TMEM30A: variants seen among roughly 807,000 people sequenced by gnomAD.
TMEM30A encodes the protein cell cycle control protein 50A.
In TMEM30A, 24 loss-of-function variants were observed where a neutral mutation model predicts 38.2. That is an observed-to-expected ratio of 0.63 (90% confidence interval 0.46 to 0.88). TMEM30A has a LOEUF of 0.88. Ranked by LOEUF, TMEM30A falls within the 40% of genes least tolerant of loss-of-function variation. The pLI is 0.00. For synonymous variants in TMEM30A, 145 were observed against 161.6 expected, an observed-to-expected ratio of 0.90 and a Z score of 0.78; for missense variants, 370 against 458.6, an observed-to-expected ratio of 0.81 and a Z score of 1.77.
chr6:75,282,497 AT>A (rs1212416029), intron 1 of TMEM30A, among the ~76,000 whole-genome samples: 1 of 152,168 alleles, frequency 6.6e-6, no homozygotes, highest in East Asian at 1.9e-4. Flanking sequence ...AATTATTGCT[AT>A]TTTCATCTTA....
In TMEM30A at chr6:75,275,617, T is replaced by C. The variant is rs539696001; in HGVS notation, c.238-7869A>G. Among the ~76,000 whole-genome samples, 296 of 152,288 alleles carry C rather than the reference T, an allele frequency of 1.9e-3. 1 individual carries two copies. The highest frequency in any genetic ancestry group is 4.8e-3 in the South Asian group (23 of 4,826). On this transcript the variant is annotated intron_variant, in intron 1 of 6. Coordinates refer to ENST00000230461, the MANE Select transcript of TMEM30A (RefSeq NM_018247.4). Reference sequence around the variant, plus strand: ...TTTTCTCTTACACCCCATATATCAATTGCATGAGAAAATTCTTTTAGCTCT... The same window carrying C: ...TTTTCTCTTACACCCCATATATCAACTGCATGAGAAAATTCTTTTAGCTCT...
chr6:75,258,863 C>A lies in TMEM30A; in HGVS notation c.809G>T (p.Arg270Leu). The change falls in exon 6 of 7, where the codon CGC becomes CTC. Residue 270 changes from arginine to leucine, a missense_variant. Coordinates refer to ENST00000230461, the MANE Select transcript of TMEM30A (RefSeq NM_018247.4). ...WMRTAALPTF[R>L]KLYRLIERKS... ...CCTTTCTATAAGACGATACAACTTG[C>A]GAAAAGTAGGTAATGCTGCAGTACG... 6.2e-7 allele frequency: 1 copy of A among 1,613,834 alleles called. No homozygotes were observed. The highest frequency in any genetic ancestry group is 8.5e-7 in the Non-Finnish European group (1 of 1,179,886).
intron 2 of TMEM30A, among the ~76,000 whole-genome samples, chr6:75,265,856 G>T (rs1412152824): frequency 1.3e-5 from 2 of 151,976 alleles, no homozygotes; most frequent in Non-Finnish European, 2.9e-5. Flanking sequence ...AGCACCACGT[G>T]CAGTTGAAAC....
chr6:75,264,524 T>C (rs377145030), intron 3 of TMEM30A, among the ~76,000 whole-genome samples: 83 of 152,020 alleles, frequency 5.5e-4, no homozygotes, highest in African/African-American at 1.9e-3. Flanking sequence ...TAATCCCAGA[T>C]ACTCGGGAGA....
Position 75,255,973 on chromosome 6 carries a change from T to C in TMEM30A, c.*129A>G. 3 of 631,258 alleles carry C rather than the reference T, an allele frequency of 4.8e-6. No individual in the cohort carries two copies. The highest frequency in any genetic ancestry group is 7.9e-6 in the Non-Finnish European group (3 of 378,144). The allele number at this position is 631,258 out of a possible 1,614,324, so 39.1% of individuals were successfully genotyped here. A position where few individuals can be genotyped will look rare whatever the true frequency, so the allele number is the denominator to read the frequency against. On this transcript the variant is annotated 3_prime_UTR_variant, in exon 7 of 7. Coordinates refer to ENST00000230461, the MANE Select transcript of TMEM30A (RefSeq NM_018247.4). ...TAGGGAAGAAGCAAACAACAAAGAC[T>C]GCTTTTTTTTAGAAAAGTTATGTGC...
chr6:75,259,306 C>G (rs188944117), intron 5 of TMEM30A, 41 bp downstream of exon 5: 1 of 1,561,714 alleles, frequency 6.4e-7, no homozygotes, highest in Non-Finnish European at 8.7e-7. Context: ...TTCATTAAAA[C>G]TCCTAGTTTA....
chr6:75,256,766 T>G (rs751622939), intron 6 of TMEM30A: 6 of 485,702 alleles, frequency 1.2e-5, no homozygotes, highest in Non-Finnish European at 2.1e-5. Flanking sequence ...GAGCAAAAGA[T>G]CAAAAAGCAT....
chr6:75,263,953 ACTAT>A (rs911826633), intron 3 of TMEM30A, among the ~76,000 whole-genome samples: 32 of 152,324 alleles, frequency 2.1e-4, no homozygotes, highest in African/African-American at 7.5e-4. Flanking sequence ...TGGAACACAC[ACTAT>A]CTATAATCCC....
chr6:75,274,515 G>A (rs1307498095), intron 1 of TMEM30A, among the ~76,000 whole-genome samples: 2 of 152,214 alleles, frequency 1.3e-5, no homozygotes, highest in African/African-American at 4.8e-5. Context: ...GGTGAAAAAT[G>A]TTGAGAACTT....
intron 4 of TMEM30A, among the ~76,000 whole-genome samples, chr6:75,260,144 G>A (rs1369250048): frequency 1.3e-5 from 2 of 152,072 alleles, no homozygotes; most frequent in African/African-American, 4.8e-5. Context: ...AGTGGCTCAC[G>A]CCTGTAATCC....
intron 1 of TMEM30A, 77 bp downstream of exon 1, chr6:75,284,325 T>C: frequency 4.3e-6 from 6 of 1,409,384 alleles, no homozygotes; most frequent in Non-Finnish European, 6.0e-6. Flanking sequence ...TTCTGGGCGC[T>C]GGGAAAGAAG....
chr6:75,269,904 A>T (rs1374771818), intron 1 of TMEM30A, among the ~76,000 whole-genome samples: 2 of 152,140 alleles, frequency 1.3e-5, no homozygotes, highest in African/African-American at 2.4e-5. Flanking sequence ...CATGTTGGCT[A>T]GGATGGTGTC....
In TMEM30A at chr6:75,254,245, G is replaced by A. The variant is rs1451473111; in HGVS notation, c.*1857C>T. On this transcript the variant is annotated 3_prime_UTR_variant, in exon 7 of 7. Transcript: ENST00000230461. ...ATCCTCTGTGCCCCAGTTAGAAAAA[G>A]AGTTGCAGGATGGTAGTCCTCCTTA... The A allele has an allele frequency of 6.6e-6, 1 of 152,056 alleles. No homozygotes were observed. Among genetic ancestry groups the A allele is most frequent in the African/African-American group, 2.4e-5 (1 of 41,412 alleles). 9.4% of individuals were successfully genotyped at this position (152,056 alleles called of 1,614,324 possible).
Position 75,284,683 on chromosome 6 carries a change from G to C in TMEM30A, c.-45C>G. The stretch of plus-strand genomic sequence containing the variant: ...CCGCGATTTGCAGGTGGACCACCCA[G>C]GGGGCCCGCCGGCTGACCCTGACAG... On this transcript the variant is annotated 5_prime_UTR_variant, in exon 1 of 7. Coordinates refer to ENST00000230461, the MANE Select transcript of TMEM30A (RefSeq NM_018247.4). The C allele has an allele frequency of 6.3e-7, 1 of 1,595,992 alleles. No homozygotes were observed. Among genetic ancestry groups the C allele is most frequent in the Non-Finnish European group, 8.5e-7 (1 of 1,169,742 alleles).
chr6:75,268,376 G>A (rs1772102251), intron 1 of TMEM30A, among the ~76,000 whole-genome samples: 1 of 152,222 alleles, frequency 6.6e-6, no homozygotes, highest in African/African-American at 2.4e-5. Context: ...CTAATTGTGT[G>A]ATTGCGGACC....
chr6:75,259,457 G>C lies in TMEM30A; in HGVS notation c.575C>G (p.Ser192Cys). 6.2e-7 allele frequency: 1 copy of C among 1,607,706 alleles called. No individual in the cohort carries two copies. The highest frequency in any genetic ancestry group is 8.5e-7 in the Non-Finnish European group (1 of 1,177,832). The stretch of plus-strand genomic sequence containing the variant: ...TTTCAAAGCGATAGGTATAGGATAA[G>C]AATCATTGCCAATGAGAAACAATTC... ...TLELFLIGNDSYPIPIALKKK... is the reference protein window; with the variant it reads ...TLELFLIGNDCYPIPIALKKK... Residue 192 changes from serine to cysteine, a missense_variant, in exon 5 of 7, where the codon TCT (serine) becomes TGT (cysteine). By Grantham distance (112) the Ser-to-Cys change is moderately radical (BLOSUM62 -1). Coordinates refer to ENST00000230461, the MANE Select transcript of TMEM30A (RefSeq NM_018247.4).
chr6:75,274,678 T>C (rs1183791388), intron 1 of TMEM30A, among the ~76,000 whole-genome samples: 4 of 152,164 alleles, frequency 2.6e-5, no homozygotes, highest in Admixed American at 6.5e-5. Context: ...CTATGGATGG[T>C]GATGCCACTC....
intron 6 of TMEM30A, 58 bp downstream of exon 6, chr6:75,258,719 AAGG>A: frequency 1.4e-6 from 2 of 1,446,354 alleles, no homozygotes; most frequent in Non-Finnish European, 1.9e-6. Flanking sequence ...TAACAGATAT[AAGG>A]TTGGACTCGA....
intron 2 of TMEM30A, 123 bp downstream of exon 2, chr6:75,267,518 A>G (rs1176811153): frequency 3.3e-6 from 2 of 602,418 alleles, no homozygotes; most frequent in African/African-American, 3.8e-5. Flanking sequence ...TCAAAAGCCT[A>G]TAAACTCCAG....
Sources: allele counts gnomAD v4.1 joint callset (sites outside exome capture counted in the v4.1 genomes callset), GRCh38; gene constraint gnomAD v4.1.1; transcripts MANE v1.5; gene names NCBI Gene and HGNC (gene_info 2026-07-23, HGNC 2026-07-21).